LAMP2: variants seen among roughly 807,000 people sequenced by gnomAD.
LAMP2 encodes the protein lysosome associated membrane protein 2, also known as lysosome-associated membrane glycoprotein 2.
Under a neutral mutation model 25.6 loss-of-function variants are expected in LAMP2, and 4 were observed. The observed-to-expected ratio is 0.16, with a 90% confidence interval of 0.08 to 0.36. The LOEUF is 0.36. Among genes scored for constraint, LAMP2 ranks in the 10% least tolerant of loss-of-function variants. The pLI, the probability that LAMP2 is intolerant of heterozygous loss-of-function variation, is 1.00. For synonymous variants in LAMP2, 108 were observed against 112.7 expected (o/e 0.96, Z 0.27); for missense variants, 272 against 301.4 (o/e 0.90, Z 0.72).
In LAMP2 at chrX:120,430,349, T is replaced by G. The variant is rs1481181108; in HGVS notation, c.*974A>C. 5.3e-6 allele frequency: 4 copies of G among 753,592 alleles called. No homozygotes were observed. The highest frequency in any genetic ancestry group is 8.7e-5 in the Admixed American group (1 of 11,514). The allele number at this position is 753,592 out of a possible 1,213,427, so 62.1% of individuals were successfully genotyped here. A position where few individuals can be genotyped will look rare whatever the true frequency, so the allele number is the denominator to read the frequency against. ...CATCTTGAAGAAACAAGAGCCTAGT[T>G]GCTATGCTTCACTGCCTCCCTTCTG... On this transcript the variant is annotated 3_prime_UTR_variant, in exon 9 of 9. Transcript: ENST00000200639.
At position 120,428,035 on chromosome X, in the gene LAMP2, G is replaced by C. The variant is rs1390605341; in HGVS notation, c.*3288C>G. ...AGGTGGGGAAAGGAAGTCTTATCAT[G>C]AACCAAATTTCGTGTCTGCCACCAA... On this transcript the variant is annotated 3_prime_UTR_variant, in exon 9 of 9. Transcript: ENST00000200639. 8.9e-6 allele frequency: 1 copy of C among 112,269 alleles called. No individual in the cohort carries two copies. Among genetic ancestry groups the C allele is most frequent in the Non-Finnish European group, 1.9e-5 (1 of 53,393 alleles). The allele number at this position is 112,269 out of a possible 1,213,427, so 9.3% of individuals were successfully genotyped here.
chrX:120,431,669 A>G (rs745870183), intron 8 of LAMP2, among the ~76,000 whole-genome samples: 7 of 112,835 alleles, frequency 6.2e-5, no homozygotes, highest in African/African-American at 2.3e-4. Context: ...TTTAAGTACC[A>G]AGTAAAAATG....
chrX:120,437,752 G>A (rs2058551757), intron 8 of LAMP2: 2 of 747,971 alleles, frequency 2.7e-6, no homozygotes, highest in South Asian at 6.8e-5. Context: ...AATTAGTGAT[G>A]TTGTAGCAAT....
chrX:120,439,267 T>C, intron 8 of LAMP2: 1 of 1,209,844 alleles, frequency 8.3e-7, no homozygotes, highest in Non-Finnish European at 1.1e-6. Context: ...ATTAGAATGG[T>C]GTCATCATCC....
In LAMP2 at chrX:120,431,351, T is replaced by C. The variant is rs2058522237; in HGVS notation, c.1205A>G (p.His402Arg). ...AAATTGCTCATATCCAGCATGATGG[T>C]GCTTGAGACCAATAAAATAAGCCAG... ...VLLAYFIGLK[H>R]HHAGYEQF Residue 402 changes from histidine (H) to arginine (R), a missense_variant, in exon 9 of 9, where the codon CAC becomes CGC. His to Arg is a conservative substitution (Grantham distance 29, BLOSUM62 0). Coordinates refer to ENST00000200639, the MANE Select transcript of LAMP2 (RefSeq NM_002294.3). The C allele has an allele frequency of 8.3e-7, 1 of 1,210,269 alleles. No homozygotes were observed. The highest frequency in any genetic ancestry group is 3.0e-5 in the East Asian group (1 of 33,862).
intron 1 of LAMP2, among the ~76,000 whole-genome samples, chrX:120,460,363 G>A (rs1024624439): frequency 9.1e-6 from 1 of 110,431 alleles, no homozygotes; most frequent in Non-Finnish European, 1.9e-5. Flanking sequence ...TCATGTATAA[G>A]TAGATCCACA....
In LAMP2 at chrX:120,456,739, T is replaced by C. The variant is rs1381065572; in HGVS notation, c.95A>G (p.Asn32Ser). Reference protein sequence around the residue: ...GAVRSYALELNLTDSENATCL... With the variant: ...GAVRSYALELSLTDSENATCL... ...AGTGGCATTTTCTGAATCTGTCAAA[T>C]TAAGTTCCAATGCATAAGACCGCAC... The change falls in exon 2 of 9, where the codon AAT becomes AGT. Residue 32 changes from asparagine (N) to serine (S), a missense_variant. Transcript: ENST00000200639. 8.5e-7 allele frequency: 1 copy of C among 1,181,358 alleles called. No individual in the cohort carries two copies. Among genetic ancestry groups the C allele is most frequent in the South Asian group, 1.8e-5 (1 of 54,225 alleles).
chrX:120,448,393 C>T (rs762017499), intron 4 of LAMP2, among the ~76,000 whole-genome samples: 2 of 112,081 alleles, frequency 1.8e-5, no homozygotes, highest in East Asian at 5.6e-4. Context: ...TCTTTATTCC[C>T]ACATACAATC....
chrX:120,447,475 G>A (rs958794699), intron 5 of LAMP2, among the ~76,000 whole-genome samples: 4 of 110,610 alleles, frequency 3.6e-5, no homozygotes, highest in Admixed American at 2.9e-4. Flanking sequence ...TTGGGAGGCC[G>A]AGACGGGCGG....
Position 120,427,172 on chromosome X carries a change from A to G in LAMP2, c.*4151T>C, listed in dbSNP as rs2058502148. 9.0e-6 allele frequency among the ~76,000 whole-genome samples: 1 copy of G among 111,723 alleles called. No individual in the cohort carries two copies. The highest frequency in any genetic ancestry group is 3.7e-4 in the South Asian group (1 of 2,684). On this transcript the variant is annotated 3_prime_UTR_variant, in exon 9 of 9. Coordinates refer to ENST00000200639, the MANE Select transcript of LAMP2 (RefSeq NM_002294.3). ...TCAGGCTTAATTTTTTTAATCCAAAAAAAATTTCTGAAGTGAAGGCAGATC... is the reference window on the plus strand; with the variant it reads ...TCAGGCTTAATTTTTTTAATCCAAAGAAAATTTCTGAAGTGAAGGCAGATC...
intron 8 of LAMP2, chrX:120,438,069 C>G (rs1422926241): frequency 2.9e-6 from 1 of 340,089 alleles, no homozygotes; most frequent in Non-Finnish European, 3.8e-6. Flanking sequence ...GTTGGCCAGG[C>G]TGGTCTCAAA....
chrX:120,451,470 G>A lies in LAMP2; in HGVS notation c.398-2342C>T, dbSNP rs544668999. On this transcript the variant is annotated intron_variant, in intron 3 of 8. Transcript: ENST00000200639. ...GCCTAAATTAGTTTTTTTTGTTGTT[G>A]TTGGGGGTGGGTAAGGAAGGGTCTC... 1.8e-4 allele frequency among the ~76,000 whole-genome samples: 20 copies of A among 109,776 alleles called. No homozygotes were observed. The South Asian group carries it at 7.3e-3, about 40-fold the overall frequency.
rs1176993966 is a variant in LAMP2, at chrX:120,430,544, C to A, written c.*779G>T. The A allele has an allele frequency of 4.0e-6, 3 of 751,683 alleles. No homozygotes were observed. The highest frequency in any genetic ancestry group is 4.7e-6 in the Non-Finnish European group (3 of 637,657). 61.9% of individuals were successfully genotyped at this position (751,683 alleles called of 1,213,427 possible). ...TACTAATCAGGCATCCAAAGAAGAA[C>A]AAAACAAGAAACAAAAAAGCAAGTG... On this transcript the variant is annotated 3_prime_UTR_variant, in exon 9 of 9. Coordinates refer to ENST00000200639, the MANE Select transcript of LAMP2 (RefSeq NM_002294.3).
At chrX:120,443,285 G>A (rs760495857) in intron 6 of LAMP2, among the ~76,000 whole-genome samples, 35 of 112,070 alleles carry the variant, frequency 3.1e-4, no homozygotes, top group Non-Finnish European at 5.6e-4. Context: ...TAGGGATGGG[G>A]CATTTTGAAC....
rs984295896 is a variant in LAMP2, at chrX:120,427,818, C to A, written c.*3505G>T. The A allele has an allele frequency of 1.8e-5, 2 of 111,246 alleles. No homozygotes were observed. The highest frequency in any genetic ancestry group is 3.8e-5 in the Non-Finnish European group (2 of 52,997). 9.2% of individuals were successfully genotyped at this position (111,246 alleles called of 1,213,427 possible). ...TTACTTCATCCTTCAGTATAAATGT[C>A]AAGTCTGAGATAATCAGTATATTCC... On this transcript the variant is annotated 3_prime_UTR_variant, in exon 9 of 9. Transcript: ENST00000200639.
At chrX:120,446,869 G>A (rs1468708785) in intron 5 of LAMP2, among the ~76,000 whole-genome samples, 2 of 111,725 alleles carry the variant, frequency 1.8e-5, no homozygotes, top group African/African-American at 3.3e-5. Flanking sequence ...ACTCCTGTAC[G>A]CCAACCTACA....
chrX:120,466,559 A>G (rs1921538895), intron 1 of LAMP2, among the ~76,000 whole-genome samples: 1 of 111,920 alleles, frequency 8.9e-6, no homozygotes, highest in African/African-American at 3.3e-5. Context: ...CAGAAGTGCT[A>G]CAGAAGAGTT....
intron 8 of LAMP2, among the ~76,000 whole-genome samples, chrX:120,441,084 A>T (rs1302007586): frequency 1.8e-5 from 2 of 112,546 alleles, no homozygotes; most frequent in African/African-American, 6.5e-5. Flanking sequence ...AAGTCAATTA[A>T]GGAATTTTAT....
rs150163775 is a variant in LAMP2 at position 120,461,332 on chromosome X, T to C, written c.65-4563A>G. Among the ~76,000 whole-genome samples the C allele has an allele frequency of 7.5e-3, 845 of 111,946 alleles. 10 individuals are homozygous for C. Among genetic ancestry groups the C allele is most frequent in the African/African-American group, 0.025 (780 of 30,858 alleles). ...TAATGCACATCCCATTTCAGTATAT[T>C]TTACATTATCCTGAATTATTCAGTT... On this transcript the variant is annotated intron_variant, in intron 1 of 8. Transcript: ENST00000200639.
Sources: allele counts gnomAD v4.1 joint callset (sites outside exome capture counted in the v4.1 genomes callset), GRCh38; gene constraint gnomAD v4.1.1; transcripts MANE v1.5; gene names NCBI Gene and HGNC (gene_info 2026-07-23, HGNC 2026-07-21).